Variants in TXNRD2 observed in about 807,000 individuals in gnomAD.
TXNRD2 encodes the protein thioredoxin reductase 2, also known as thioredoxin reductase 2, mitochondrial.
Under a neutral mutation model 70.8 loss-of-function variants are expected in TXNRD2, and 67 were observed. The observed-to-expected ratio is 0.95, with a 90% confidence interval of 0.78 to 1.16. The LOEUF is 1.16. TXNRD2 is among the 50% of genes most tolerant of loss of function. The pLI is 0.00. For synonymous variants in TXNRD2, 301 were observed against 295.8 expected (o/e 1.02, Z -0.18); for missense variants, 644 against 719.9 (o/e 0.89, Z 1.21).
At chr22:19,938,741 A>T (rs534950028) in intron 1 of TXNRD2, among the ~76,000 whole-genome samples, 1 of 152,288 alleles carries the variant, frequency 6.6e-6, no homozygotes, top group Non-Finnish European at 1.5e-5. Context: ...TAACTTTTAC[A>T]GTGCTCCCAG....
chr22:19,924,364 AC>A (rs977950194), intron 2 of TXNRD2, among the ~76,000 whole-genome samples: 18 of 150,774 alleles, frequency 1.2e-4, no homozygotes, highest in Non-Finnish European at 2.1e-4. Context: ...AGATTCCACC[AC>A]CCCCCGCACC....
chr22:19,894,718 G>A (rs549619720), intron 11 of TXNRD2: 52 of 220,632 alleles, frequency 2.4e-4, no homozygotes, highest in East Asian at 4.6e-4. Context: ...GGCCAGGTGC[G>A]GTGGCTCACA....
intron 8 of TXNRD2, among the ~76,000 whole-genome samples, chr22:19,901,110 C>A (rs535381562): frequency 1.3e-5 from 2 of 152,350 alleles, no homozygotes; most frequent in South Asian, 2.1e-4. Context: ...GCAACACACC[C>A]TCCTGATTTT....
chr22:19,893,885 G>T (rs750345922), intron 11 of TXNRD2: 6 of 152,262 alleles, frequency 3.9e-5, no homozygotes, highest in Non-Finnish European at 8.8e-5. Flanking sequence ...GGGAAACACT[G>T]AAAGCCACGA....
chr22:19,940,627 A>G (rs1297407871), intron 1 of TXNRD2, among the ~76,000 whole-genome samples: 1 of 152,130 alleles, frequency 6.6e-6, no homozygotes, highest in Non-Finnish European at 1.5e-5. Flanking sequence ...GAACCCCATG[A>G]TAAATGCCCT....
At chr22:19,906,931 A>G (rs1187688763) in intron 8 of TXNRD2, among the ~76,000 whole-genome samples, 4 of 108,838 alleles carry the variant, frequency 3.7e-5, no homozygotes, top group African/African-American at 1.1e-4. Flanking sequence ...CTCTCAGGAG[A>G]GTGTGGGCAC....
chr22:19,923,632 G>A (rs112506735), intron 2 of TXNRD2, among the ~76,000 whole-genome samples: 5,921 of 152,064 alleles, frequency 0.039, 377 homozygotes, highest in African/African-American at 0.13. Context: ...GTGAAAGCTC[G>A]TCTCTACTAA....
intron 8 of TXNRD2, among the ~76,000 whole-genome samples, chr22:19,901,552 G>A (rs1293286526): frequency 2.0e-5 from 3 of 152,164 alleles, no homozygotes; most frequent in African/African-American, 7.2e-5. Context: ...ACGCCTCCCC[G>A]CATTGATCAA....
intron 8 of TXNRD2, among the ~76,000 whole-genome samples, chr22:19,905,914 TAAA>T (rs35285035): frequency 3.8e-4 from 50 of 132,370 alleles, no homozygotes; most frequent in African/African-American, 1.2e-3. Flanking sequence ...ATACAGGGCT[TAAA>T]AAAAAAAAAA....
chr22:19,895,511 G>A lies in TXNRD2; in HGVS notation c.845C>T (p.Ser282Leu), dbSNP rs368200536. The A allele has an allele frequency of 5.0e-6, 8 of 1,613,742 alleles. No individual in the cohort carries two copies. The African/African-American group carries it at 5.3e-5, about 11-fold the overall frequency. The stretch of plus-strand genomic sequence containing the variant: ...GCCATCAGGGAGCCTCCTGACCCGC[G>A]AGGGGGCACAGCCCCTCAGGAACCG... ...GTRFLRGCAP[S>L]RVRRLPDGQL... Residue 282 changes from serine (S) to leucine (L), a missense_variant, in exon 11 of 18, where the codon TCG becomes TTG. Physicochemically the swap from Ser to Leu is moderately radical, Grantham distance 145. This residue lies in a region of TXNRD2 where 566 missense variants were observed against 645.0 expected (regional missense o/e 0.88). Coordinates refer to ENST00000400521, the MANE Select transcript of TXNRD2 (RefSeq NM_006440.5).
chr22:19,895,521 A>G lies in TXNRD2; in HGVS notation c.835T>C (p.Cys279Arg), dbSNP rs1384726448. The G allele has an allele frequency of 6.2e-7, 1 of 1,613,828 alleles. No homozygotes were observed. Among genetic ancestry groups the G allele is most frequent in the South Asian group, 1.1e-5 (1 of 91,090 alleles). Residue 279 changes from cysteine to arginine, a missense_variant, in exon 11 of 18, where the codon TGT (cysteine) becomes CGT (arginine). Cys to Arg is a radical substitution (Grantham distance 180). This residue lies in a region of TXNRD2 where 566 missense variants were observed against 645.0 expected (regional missense o/e 0.88). Coordinates refer to ENST00000400521, the MANE Select transcript of TXNRD2 (RefSeq NM_006440.5). ...ASHGTRFLRGCAPSRVRRLPD... is the reference protein window; with the variant it reads ...ASHGTRFLRGRAPSRVRRLPD... ...AGCCTCCTGACCCGCGAGGGGGCAC[A>G]GCCCCTCAGGAACCGGGTGCCATGA...
At chr22:19,914,777 C>T (rs1940560208) in intron 7 of TXNRD2, 2 of 281,450 alleles carry the variant, frequency 7.1e-6, no homozygotes, top group South Asian at 7.2e-5. Flanking sequence ...GAATTGTACC[C>T]TAAAAAAGGC....
chr22:19,886,069 G>A (rs973756262), intron 11 of TXNRD2, among the ~76,000 whole-genome samples: 1 of 152,250 alleles, frequency 6.6e-6, no homozygotes, highest in Non-Finnish European at 1.5e-5. Context: ...AGAGTGGGCT[G>A]CGCGGCACAG....
chr22:19,930,032 G>A (rs890863329), intron 2 of TXNRD2, among the ~76,000 whole-genome samples: 1 of 152,190 alleles, frequency 6.6e-6, no homozygotes, highest in Non-Finnish European at 1.5e-5. Flanking sequence ...TCTGCTAAAA[G>A]GAACAGCACT....
chr22:19,913,415 G>T (rs767411940), intron 7 of TXNRD2, among the ~76,000 whole-genome samples: 1 of 151,770 alleles, frequency 6.6e-6, no homozygotes, highest in Non-Finnish European at 1.5e-5. Context: ...ACTCAGCTGG[G>T]GTCTTTCAAA....
intron 12 of TXNRD2, chr22:19,880,923 T>TA: frequency 3.3e-6 from 2 of 598,678 alleles, no homozygotes; most frequent in Non-Finnish European, 3.0e-6. Context: ...CTCATTCTCC[T>TA]GTTTGCTGCC....
intron 8 of TXNRD2, among the ~76,000 whole-genome samples, chr22:19,904,071 G>A (rs999694773): frequency 1.3e-5 from 2 of 152,194 alleles, no homozygotes; most frequent in East Asian, 1.9e-4. Context: ...AGCAGGAGCC[G>A]ACCTGGAGTC....
intron 8 of TXNRD2, among the ~76,000 whole-genome samples, chr22:19,907,826 C>T (rs1397599381): frequency 3.6e-4 from 13 of 36,162 alleles, no homozygotes; most frequent in African/African-American, 4.6e-4. Flanking sequence ...TAGCAGTGAC[C>T]GCTCTCAGGA....
chr22:19,921,152 C>G (rs539049289), intron 2 of TXNRD2, among the ~76,000 whole-genome samples: 17 of 147,194 alleles, frequency 1.2e-4, no homozygotes, highest in African/African-American at 4.2e-4. Context: ...CAGTGGCTCA[C>G]GCCTATAATC....
Sources: allele counts gnomAD v4.1 joint callset (sites outside exome capture counted in the v4.1 genomes callset), GRCh38; gene constraint gnomAD v4.1.1; regional missense constraint gnomAD v4.1.1; transcripts MANE v1.5; gene names NCBI Gene and HGNC (gene_info 2026-07-23, HGNC 2026-07-21).